SCUBE1: variants seen among roughly 807,000 people sequenced by gnomAD.
The protein encoded by SCUBE1 is signal peptide, CUB and EGF-like domain-containing protein 1.
In SCUBE1, 59 loss-of-function variants were observed where a neutral mutation model predicts 124.4. The ratio of observed to expected loss-of-function variants is 0.47; its 90% CI spans 0.38 to 0.59. The LOEUF (loss-of-function observed/expected upper bound fraction) is 0.59, where lower values mean the gene tolerates loss of function less well. Ranked by LOEUF, SCUBE1 falls within the 20% of genes least tolerant of loss-of-function variation. The pLI, the probability that SCUBE1 is intolerant of heterozygous loss-of-function variation, is 0.00. For missense variants in SCUBE1, 1,150 were observed against 1,371.2 expected, an observed-to-expected ratio of 0.84 and a Z score of 2.55; for synonymous variants, 545 against 550.9, an observed-to-expected ratio of 0.99 and a Z score of 0.15.
intron 6 of SCUBE1, among the ~76,000 whole-genome samples, chr22:43,247,877 G>T (rs1164091786): frequency 6.6e-6 from 1 of 152,246 alleles, no homozygotes; most frequent in Non-Finnish European, 1.5e-5. Flanking sequence ...GTGGACATCA[G>T]TATTACCATG....
Position 43,214,126 on chromosome 22 carries a change from C to T in SCUBE1, c.2017G>A (p.Gly673Ser), listed in dbSNP as rs1176550337. Reference protein sequence around the residue: ...CTPCPSSDGLGLPGARNVSEC... With the variant: ...CTPCPSSDGLSLPGARNVSEC... The stretch of plus-strand genomic sequence containing the variant: ...GACACGTTGCGGGCACCAGGCAGAC[C>T]AAGCCCGTCGCTGCTGGGGCACGGT... The change falls in exon 16 of 22, where the codon GGT becomes AGT. Residue 673 changes from glycine to serine, a missense_variant. Physicochemically the swap from Gly to Ser is moderately conservative, Grantham distance 56 (BLOSUM62 0). This residue lies in a region of SCUBE1 where 757 missense variants were observed against 840.9 expected (regional missense o/e 0.90). Coordinates refer to ENST00000360835, the MANE Select transcript of SCUBE1 (RefSeq NM_173050.5). 3.1e-6 allele frequency: 5 copies of T among 1,608,752 alleles called. No homozygotes were observed. Among genetic ancestry groups the T allele is most frequent in the Non-Finnish European group, 4.2e-6 (5 of 1,177,738 alleles).
intron 14 of SCUBE1, among the ~76,000 whole-genome samples, chr22:43,219,228 G>T (rs1019973498): frequency 6.6e-6 from 1 of 152,074 alleles, no homozygotes; most frequent in Admixed American, 6.5e-5. Flanking sequence ...GGCTCTACTA[G>T]TCGCCACGAG....
intron 1 of SCUBE1, 59 bp from the exon 2 acceptor site, chr22:43,339,294 GATA>G: frequency 6.4e-7 from 1 of 1,559,338 alleles, no homozygotes; most frequent in South Asian, 1.1e-5. Context: ...GCAGGTGGCC[GATA>G]GTGTAGGGCA....
At chr22:43,286,235 T>C (rs1449147733) in intron 4 of SCUBE1, among the ~76,000 whole-genome samples, 1 of 152,244 alleles carries the variant, frequency 6.6e-6, no homozygotes, top group African/African-American at 2.4e-5. Flanking sequence ...ATTTTACAGA[T>C]GAGACACAGA....
intron 4 of SCUBE1, among the ~76,000 whole-genome samples, chr22:43,268,321 C>T (rs1924155603): frequency 1.3e-5 from 2 of 152,218 alleles, no homozygotes; most frequent in African/African-American, 4.8e-5. Context: ...ATGGGGAGAA[C>T]CATGGAGAGG....
intron 12 of SCUBE1, 143 bp from the exon 13 acceptor site, chr22:43,221,432 G>A (rs1922088905): frequency 7.8e-6 from 5 of 641,610 alleles, no homozygotes; most frequent in South Asian, 5.3e-5. Context: ...CAGCTCTCCT[G>A]GGGTGGGGGA....
chr22:43,328,171 A>G (rs576969260), intron 2 of SCUBE1, among the ~76,000 whole-genome samples: 23 of 152,290 alleles, frequency 1.5e-4, no homozygotes, highest in African/African-American at 4.8e-4. Context: ...TTCTCCCTCA[A>G]AAATGCCCTG....
chr22:43,307,116 A>C (rs928398557), intron 3 of SCUBE1, among the ~76,000 whole-genome samples: 2 of 152,238 alleles, frequency 1.3e-5, no homozygotes, highest in African/African-American at 4.8e-5. Flanking sequence ...GAGCTTGGCC[A>C]ATCCAGAGCT....
At chr22:43,236,418 C>T (rs1375835379) in intron 7 of SCUBE1, among the ~76,000 whole-genome samples, 2 of 152,244 alleles carry the variant, frequency 1.3e-5, no homozygotes, top group Non-Finnish European at 1.5e-5. Context: ...GGCACTGCCA[C>T]GAGCCTGAGT....
intron 10 of SCUBE1, among the ~76,000 whole-genome samples, chr22:43,225,850 A>G (rs917813539): frequency 2.0e-5 from 3 of 152,058 alleles, no homozygotes; most frequent in South Asian, 4.2e-4. Flanking sequence ...CCTGCAAAGA[A>G]TCTGAAGGTA....
chr22:43,273,446 G>C (rs976306765), intron 4 of SCUBE1, among the ~76,000 whole-genome samples: 1 of 152,136 alleles, frequency 6.6e-6, no homozygotes, highest in Non-Finnish European at 1.5e-5. Context: ...CAACACCGAG[G>C]TGGGGCAGGT....
intron 16 of SCUBE1, chr22:43,213,149 C>G (rs1921644893): frequency 6.4e-6 from 1 of 156,272 alleles, no homozygotes; most frequent in Non-Finnish European, 1.4e-5. Context: ...TCTTGCGTTC[C>G]AGCAGACTCA....
chr22:43,273,978 C>T (rs1924395855), intron 4 of SCUBE1, among the ~76,000 whole-genome samples: 1 of 152,156 alleles, frequency 6.6e-6, no homozygotes, highest in African/African-American at 2.4e-5. Flanking sequence ...GGCCCGCTCC[C>T]TCTCCCCTGC....
At chr22:43,322,657 C>T (rs573148430) in intron 2 of SCUBE1, among the ~76,000 whole-genome samples, 24 of 152,158 alleles carry the variant, frequency 1.6e-4, no homozygotes, top group Non-Finnish European at 3.1e-4. Context: ...TCCTTTCCTC[C>T]TTCAAGCAGG....
intron 4 of SCUBE1, among the ~76,000 whole-genome samples, chr22:43,285,386 T>C (rs1057338171): frequency 6.6e-5 from 10 of 152,202 alleles, no homozygotes; most frequent in Admixed American, 6.5e-4. Flanking sequence ...TTCCCCTCTC[T>C]GTCCTTTCCA....
At chr22:43,205,440 A>C (rs1030463805) in intron 21 of SCUBE1, among the ~76,000 whole-genome samples, 16 of 152,056 alleles carry the variant, frequency 1.1e-4, no homozygotes, top group African/African-American at 3.6e-4. Context: ...AGCCTGGCCC[A>C]GGGAAGGTGT....
At chr22:43,313,499 A>T (rs911326436) in intron 3 of SCUBE1, among the ~76,000 whole-genome samples, 1 of 152,260 alleles carries the variant, frequency 6.6e-6, no homozygotes, top group African/African-American at 2.4e-5. Flanking sequence ...AGATGAAAAC[A>T]ATCTTATTCT....
chr22:43,286,678 G>A (rs1000823887), intron 4 of SCUBE1, among the ~76,000 whole-genome samples: 7 of 152,194 alleles, frequency 4.6e-5, no homozygotes, highest in Admixed American at 1.3e-4. Context: ...GAACTCTTAG[G>A]ACCCCTACTT....
intron 2 of SCUBE1, among the ~76,000 whole-genome samples, chr22:43,329,294 C>T (rs1308053285): frequency 3.3e-5 from 5 of 152,270 alleles, no homozygotes; most frequent in Admixed American, 1.3e-4. Flanking sequence ...CTAAGCCCCA[C>T]TGAAGCCCAC....
Sources: allele counts gnomAD v4.1 joint callset (sites outside exome capture counted in the v4.1 genomes callset), GRCh38; gene constraint gnomAD v4.1.1; regional missense constraint gnomAD v4.1.1; transcripts MANE v1.5; gene names NCBI Gene and HGNC (gene_info 2026-07-23, HGNC 2026-07-21).